Variants in SSH2 observed in about 807,000 individuals in gnomAD.
SSH2 encodes the protein slingshot protein phosphatase 2, also known as protein phosphatase Slingshot homolog 2.
A neutral mutation model predicts 135.2 loss-of-function variants in SSH2; 37 were observed. That is an observed-to-expected ratio of 0.27 (90% CI 0.21 to 0.36). SSH2 has a LOEUF of 0.36. Ranked by LOEUF, SSH2 falls within the 10% of genes least tolerant of loss-of-function variation. The pLI, the probability that SSH2 is intolerant of heterozygous loss-of-function variation, is 1.00. For synonymous variants in SSH2, 628 were observed against 646.2 expected, an observed-to-expected ratio of 0.97 and a Z score of 0.43; for missense variants, 1,408 against 1,765.3, an observed-to-expected ratio of 0.80 and a Z score of 3.63.
intron 3 of SSH2, among the ~76,000 whole-genome samples, chr17:29,791,751 A>G (rs2151302214): frequency 6.6e-6 from 1 of 152,326 alleles, no homozygotes; most frequent in East Asian, 1.9e-4. Context: ...ATAACAGATT[A>G]GCAAATTTTG....
chr17:29,857,682 C>T (rs930559782), intron 1 of SSH2, among the ~76,000 whole-genome samples: 1 of 152,088 alleles, frequency 6.6e-6, no homozygotes, highest in Non-Finnish European at 1.5e-5. Flanking sequence ...GATGGGGTCT[C>T]ACTATGTTTC....
intron 2 of SSH2, among the ~76,000 whole-genome samples, chr17:29,813,560 G>GT (rs2042487385): frequency 6.6e-6 from 1 of 152,154 alleles, no homozygotes; most frequent in South Asian, 2.1e-4. Flanking sequence ...GCTCACGCCT[G>GT]TAATCCCAGC....
intron 3 of SSH2, among the ~76,000 whole-genome samples, chr17:29,710,828 T>C (rs1246094282): frequency 3.3e-5 from 5 of 152,208 alleles, no homozygotes; most frequent in African/African-American, 4.8e-5. Context: ...AGTACACCTC[T>C]AGGTAGTGAA....
intron 3 of SSH2, among the ~76,000 whole-genome samples, chr17:29,744,294 C>A (rs868175433): frequency 6.6e-6 from 1 of 152,158 alleles, no homozygotes; most frequent in Non-Finnish European, 1.5e-5. Flanking sequence ...GCGGCTGAGT[C>A]CTGCCGATGC....
At chr17:29,907,799 G>A (rs981803513) in intron 1 of SSH2, among the ~76,000 whole-genome samples, 9 of 150,242 alleles carry the variant, frequency 6.0e-5, no homozygotes, top group African/African-American at 2.2e-4. Context: ...GTGTCAAAAT[G>A]CATCAACCCT....
chr17:29,897,981 A>G (rs2066475604), intron 1 of SSH2, among the ~76,000 whole-genome samples: 1 of 152,188 alleles, frequency 6.6e-6, no homozygotes, highest in African/African-American at 2.4e-5. Context: ...AACTCACTCA[A>G]AACCGCTCAA....
At chr17:29,922,922 G>C (rs529542397) in intron 1 of SSH2, among the ~76,000 whole-genome samples, 2 of 152,240 alleles carry the variant, frequency 1.3e-5, no homozygotes, top group African/African-American at 4.8e-5. Flanking sequence ...AAAAAAATTG[G>C]GTTTTTTTGA....
At chr17:29,678,786 C>T (rs1298112351) in intron 6 of SSH2, among the ~76,000 whole-genome samples, 1 of 132,402 alleles carries the variant, frequency 7.6e-6, no homozygotes, top group South Asian at 2.4e-4. Flanking sequence ...ATAATCTTGG[C>T]TCACTGCAAC....
Position 29,632,372 on chromosome 17 carries a change from C to G in SSH2, c.2822G>C (p.Ser941Thr). The change falls in exon 16 of 16, where the codon AGT (serine) becomes ACT (threonine). Residue 941 changes from serine (S) to threonine (T), a missense_variant. By Grantham distance (58) the Ser-to-Thr change is moderately conservative. This residue lies in a region of SSH2 where 1,080 missense variants were observed against 1,144.5 expected (regional missense o/e 0.94). Transcript: ENST00000540801. The stretch of plus-strand genomic sequence containing the variant: ...TGAATGTTCTGGGGGGGCTTCATCA[C>G]TTTTCCCTTTTGGTGCTAGGTCTGC... ...SVADLAPKGKSDEAPPEHSFV... is the reference protein window; with the variant it reads ...SVADLAPKGKTDEAPPEHSFV... 2 of 1,614,014 alleles carry G rather than the reference C, an allele frequency of 1.2e-6. No individual in the cohort carries two copies. The highest frequency in any genetic ancestry group is 1.1e-5 in the South Asian group (1 of 91,084).
chr17:29,909,344 A>G (rs1489150073), intron 1 of SSH2, among the ~76,000 whole-genome samples: 1 of 152,176 alleles, frequency 6.6e-6, no homozygotes, highest in Non-Finnish European at 1.5e-5. Context: ...TGCCAAAATC[A>G]AGTTTCCACG....
chr17:29,760,993 G>T, intron 3 of SSH2: 1 of 678,888 alleles, frequency 1.5e-6, no homozygotes, highest in Non-Finnish European at 2.2e-6. Flanking sequence ...TTCTACCCCA[G>T]CATCCTTCCC....
In SSH2 at chr17:29,776,040, A is replaced by C. The variant is rs1436635335; in HGVS notation, c.188+17854T>G. ...TCTGTTGCCCTAAAGGTTGAAGGCC[A>C]GTTCAGTACTGAAGAAGGTTCTATT... is the stretch of plus-strand genomic sequence containing the variant. On this transcript the variant is annotated intron_variant, in intron 3 of 15. Transcript: ENST00000540801. 4 of 152,444 alleles carry C rather than the reference A, an allele frequency of 2.6e-5. No individual in the cohort carries two copies. In the East Asian group the frequency reaches 7.7e-4, roughly 30 times the overall value. The allele number at this position is 152,444 out of a possible 1,614,324, so 9.4% of individuals were successfully genotyped here.
In SSH2 at chr17:29,632,000, T is replaced by C. The variant is rs1454344150; in HGVS notation, c.3194A>G (p.Glu1065Gly). 1 of 1,614,088 alleles carries C rather than the reference T, an allele frequency of 6.2e-7. No individual in the cohort carries two copies. Among genetic ancestry groups the C allele is most frequent in the African/African-American group, 1.3e-5 (1 of 74,932 alleles). Residue 1065 changes from glutamate to glycine, a missense_variant, in exon 16 of 16, where the codon GAG becomes GGG. By Grantham distance (98) the Glu-to-Gly change is moderately conservative (BLOSUM62 -2). Transcript: ENST00000540801. ...CATGTTCACTTTCCTCAGCCCTTGCTCTCCGCTCTTCTCACTGGTGGCTAT... is the reference window on the plus strand; with the variant it reads ...CATGTTCACTTTCCTCAGCCCTTGCCCTCCGCTCTTCTCACTGGTGGCTAT... ...SEIATSEKSG[E>G]QGLRKVNMEK...
At chr17:29,756,334 G>C (rs1042830534) in intron 3 of SSH2, among the ~76,000 whole-genome samples, 3 of 151,326 alleles carry the variant, frequency 2.0e-5, no homozygotes, top group Non-Finnish European at 1.5e-5. Context: ...GCAATGGCAC[G>C]ATCATAGCTC....
intron 3 of SSH2, among the ~76,000 whole-genome samples, chr17:29,744,909 A>G (rs995831358): frequency 7.0e-6 from 1 of 142,450 alleles, no homozygotes; most frequent in Non-Finnish European, 1.5e-5. Flanking sequence ...GTGTTTAAAT[A>G]AACAAACCAT....
chr17:29,734,021 C>A (rs531596732), intron 3 of SSH2, among the ~76,000 whole-genome samples: 8 of 151,066 alleles, frequency 5.3e-5, no homozygotes, highest in African/African-American at 1.7e-4. Flanking sequence ...TGGGTTCAAG[C>A]GATTCTCCTG....
chr17:29,792,263 C>T (rs549384053), intron 3 of SSH2, among the ~76,000 whole-genome samples: 1 of 152,090 alleles, frequency 6.6e-6, no homozygotes, highest in African/African-American at 2.4e-5. Context: ...CTTCCATTGC[C>T]TCATCATTAG....
intron 1 of SSH2, among the ~76,000 whole-genome samples, chr17:29,893,972 T>G (rs560386097): frequency 6.4e-4 from 97 of 152,208 alleles, no homozygotes; most frequent in Middle Eastern, 3.4e-3. Context: ...AAATGTCCCA[T>G]TCCCCAAAAG....
rs776289990 is a variant in SSH2, at chr17:29,630,763, A to C, written c.*78T>G. The C allele has an allele frequency of 1.7e-5, 24 of 1,402,698 alleles. No individual in the cohort carries two copies. The highest frequency in any genetic ancestry group is 2.2e-5 in the Non-Finnish European group (23 of 1,037,396). 86.9% of individuals were successfully genotyped at this position (1,402,698 alleles called of 1,614,324 possible). ...CAAAATATTATAAAATTAACCAATAAAGTGCATGTTCCTTACATATTACAC... is the reference window on the plus strand; with the variant it reads ...CAAAATATTATAAAATTAACCAATACAGTGCATGTTCCTTACATATTACAC... On this transcript the variant is annotated 3_prime_UTR_variant, in exon 16 of 16. Transcript: ENST00000540801.
Sources: allele counts gnomAD v4.1 joint callset (sites outside exome capture counted in the v4.1 genomes callset), GRCh38; gene constraint gnomAD v4.1.1; regional missense constraint gnomAD v4.1.1; transcripts MANE v1.5; gene names NCBI Gene and HGNC (gene_info 2026-07-23, HGNC 2026-07-21).